Variants in ISM1 observed in about 807,000 individuals in gnomAD.
ISM1 encodes isthmin 1.
Under a neutral mutation model 46.3 loss-of-function variants are expected in ISM1, and 25 were observed. That is an observed-to-expected ratio of 0.54 (90% confidence interval 0.39 to 0.75). The LOEUF (loss-of-function observed/expected upper bound fraction) is 0.75. ISM1 is among the 30% of genes least tolerant of loss of function. ISM1 has a pLI of 0.00. For synonymous variants in ISM1, 255 were observed against 256.7 expected (o/e 0.99, Z 0.06); for missense variants, 536 against 625.4 (o/e 0.86, Z 1.52).
chr20:13,237,494 G>A lies in ISM1; in HGVS notation c.138+15580G>A, dbSNP rs370634764. 3.0e-4 allele frequency among the ~76,000 whole-genome samples: 45 copies of A among 152,308 alleles called. 1 individual carries two copies. In the East Asian group the frequency reaches 3.7e-3, roughly 12 times the overall value. On this transcript the variant is annotated intron_variant, in intron 1 of 5. Coordinates refer to ENST00000262487, the MANE Select transcript of ISM1 (RefSeq NM_080826.2). ...GTACATGCTGGATAATTCTGTTTAGGTAAAGTTCAAAACCAGGAAAAAGGA... is the reference window on the plus strand; with the variant it reads ...GTACATGCTGGATAATTCTGTTTAGATAAAGTTCAAAACCAGGAAAAAGGA...
intron 1 of ISM1, among the ~76,000 whole-genome samples, chr20:13,254,787 T>C (rs1444169026): frequency 6.6e-6 from 1 of 152,216 alleles, no homozygotes; most frequent in Non-Finnish European, 1.5e-5. Context: ...CAGAGCTTCT[T>C]CTCATCCTTC....
the ISM1 span, among the ~76,000 whole-genome samples, chr20:13,323,570 T>C: frequency 6.6e-6 from 1 of 152,250 alleles, no homozygotes; most frequent in Non-Finnish European, 1.5e-5. Context: ...TTCTTGGCCA[T>C]TTACTTTGTT....
the ISM1 span, among the ~76,000 whole-genome samples, chr20:13,321,253 T>TAAAAAAAAAAAAAAAAAAAAACA: frequency 1.7e-5 from 1 of 57,522 alleles, no homozygotes; most frequent in Non-Finnish European, 3.2e-5. Flanking sequence ...GTGCCCCACA[T>TAAAAAAAAAAAAAAAAAAAAACA]AAAAAAAAAA....
downstream of ISM1, among the ~76,000 whole-genome samples, chr20:13,303,077 C>T (rs1420579383): frequency 6.6e-6 from 1 of 152,214 alleles, no homozygotes; most frequent in Admixed American, 6.5e-5. Context: ...GGCATTATTA[C>T]ATCCAGTCTA....
intron 1 of ISM1, among the ~76,000 whole-genome samples, chr20:13,259,371 C>T (rs2039963624): frequency 6.6e-6 from 1 of 152,046 alleles, no homozygotes; most frequent in Non-Finnish European, 1.5e-5. Flanking sequence ...CCACTTTCTA[C>T]TTTGCATTTT....
At chr20:13,237,830 G>A (rs2039669660) in intron 1 of ISM1, 1 of 152,226 alleles carries the variant, frequency 6.6e-6, no homozygotes, top group African/African-American at 2.4e-5. Flanking sequence ...GCTCCCTGAT[G>A]TGCGTACTAT....
rs147066699 is a variant in ISM1 at position 13,280,445 on chromosome 20, T to C, written c.643+547T>C. 2.2e-3 allele frequency among the ~76,000 whole-genome samples: 315 copies of C among 141,680 alleles called. 1 individual carries two copies. Among genetic ancestry groups the C allele is most frequent in the African/African-American group, 6.6e-3 (264 of 39,834 alleles). The allele number at this position is 141,680 out of a possible 152,430, so 92.9% of individuals were successfully genotyped here. A position where few individuals can be genotyped will look rare whatever the true frequency, so the allele number is the denominator to read the frequency against. ...CCAAGTTGAGAGATCTGGTTTCCTG[T>C]GTTTTGGGAGTAGGATAAGTGAGGT... On this transcript the variant is annotated intron_variant, in intron 3 of 5. Transcript: ENST00000262487.
chr20:13,294,247 GA>G (rs2040384865), intron 5 of ISM1, among the ~76,000 whole-genome samples: 1 of 152,148 alleles, frequency 6.6e-6, no homozygotes, highest in African/African-American at 2.4e-5. Flanking sequence ...AAATGTCTAT[GA>G]GCCAAATTGG....
At chr20:13,229,525 A>G (rs74975635) in intron 1 of ISM1, among the ~76,000 whole-genome samples, 1 of 152,232 alleles carries the variant, frequency 6.6e-6, no homozygotes, top group Admixed American at 6.5e-5. Context: ...TTGCTAAATG[A>G]TAGTCCACTG....
At chr20:13,251,610 A>G (rs1216923154) in intron 1 of ISM1, among the ~76,000 whole-genome samples, 1 of 152,246 alleles carries the variant, frequency 6.6e-6, no homozygotes, top group Non-Finnish European at 1.5e-5. Context: ...GGTAGAGATC[A>G]TAAGACTTTC....
chr20:13,254,288 A>G (rs572509517), intron 1 of ISM1, among the ~76,000 whole-genome samples: 1 of 151,920 alleles, frequency 6.6e-6, no homozygotes, highest in East Asian at 1.9e-4. Context: ...GCAAATATAT[A>G]TTTATATTTA....
downstream of ISM1, among the ~76,000 whole-genome samples, chr20:13,302,192 G>A (rs2040463828): frequency 6.6e-6 from 1 of 152,166 alleles, no homozygotes; most frequent in South Asian, 2.1e-4. Flanking sequence ...ACTAATGTGA[G>A]CCATGCTGTC....
chr20:13,227,760 T>G (rs1256811588), intron 1 of ISM1, among the ~76,000 whole-genome samples: 20 of 146,310 alleles, frequency 1.4e-4, no homozygotes, highest in Middle Eastern at 7.6e-3. Context: ...CTCTCGCCTC[T>G]GCCTCCCAAA....
intron 1 of ISM1, among the ~76,000 whole-genome samples, chr20:13,248,415 C>T (rs1024088330): frequency 1.1e-4 from 16 of 152,174 alleles, no homozygotes; most frequent in Non-Finnish European, 1.5e-4. Context: ...GATGTCTCCA[C>T]TCCAGAGGAA....
At position 13,264,435 on chromosome 20, in the gene ISM1, T is replaced by C. The variant is rs147923449; in HGVS notation, c.139-6069T>C. Among the ~76,000 whole-genome samples the C allele has an allele frequency of 2.8e-4, 42 of 152,338 alleles. No homozygotes were observed. In the East Asian group the frequency reaches 8.1e-3, roughly 29 times the overall value. On this transcript the variant is annotated intron_variant, in intron 1 of 5. Coordinates refer to ENST00000262487, the MANE Select transcript of ISM1 (RefSeq NM_080826.2). ...GGCTATTTGCAGACTGGGACAATGATGCTTAGCACATTTTTTCCAAAAGAG... is the reference window on the plus strand; with the variant it reads ...GGCTATTTGCAGACTGGGACAATGACGCTTAGCACATTTTTTCCAAAAGAG...
At chr20:13,233,185 G>T (rs928279211) in intron 1 of ISM1, among the ~76,000 whole-genome samples, 1 of 151,896 alleles carries the variant, frequency 6.6e-6, no homozygotes, top group Non-Finnish European at 1.5e-5. Context: ...CCTGCCTGGG[G>T]CCTCAATTAC....
chr20:13,283,032 G>A (rs1398602077), intron 3 of ISM1, among the ~76,000 whole-genome samples: 2 of 152,022 alleles, frequency 1.3e-5, no homozygotes, highest in Non-Finnish European at 1.5e-5. Context: ...TTTTCTTTCT[G>A]TTTTTTTATT....
At chr20:13,228,710 C>A (rs934985394) in intron 1 of ISM1, among the ~76,000 whole-genome samples, 3 of 152,132 alleles carry the variant, frequency 2.0e-5, no homozygotes, top group Non-Finnish European at 1.5e-5. Flanking sequence ...GAAAAAATTT[C>A]TTTAGTTATA....
At chr20:13,249,761 C>T (rs1600505945) in intron 1 of ISM1, among the ~76,000 whole-genome samples, 1 of 151,758 alleles carries the variant, frequency 6.6e-6, no homozygotes, top group East Asian at 2.0e-4. Context: ...TTTTCTCAGC[C>T]TCCATCATTT....
Sources: allele counts gnomAD v4.1 joint callset (sites outside exome capture counted in the v4.1 genomes callset), GRCh38; gene constraint gnomAD v4.1.1; transcripts MANE v1.5; gene names NCBI Gene and HGNC (gene_info 2026-07-23, HGNC 2026-07-21).